The following RIT2 variants were observed in gnomAD, a reference collection of about 807,000 sequenced individuals.
RIT2 encodes the protein GTP-binding protein Rit2.
Under a neutral mutation model 23.7 loss-of-function variants are expected in RIT2, and 24 were observed. That is an observed-to-expected ratio of 1.01 (90% CI 0.73 to 1.43). The LOEUF is 1.43. Ranked by LOEUF, RIT2 falls within the 40% of genes most tolerant of loss-of-function variation. The probability of loss-of-function intolerance (pLI) is 0.00; values close to 1 mark genes in which losing one functional copy is unlikely to be tolerated. For synonymous variants in RIT2, 107 were observed against 91.1 expected (o/e 1.17, Z -0.99); for missense variants, 236 against 266.9 (o/e 0.88, Z 0.81).
intron 4 of RIT2, among the ~76,000 whole-genome samples, chr18:42,918,687 A>G (rs1234848242): frequency 6.6e-6 from 1 of 152,130 alleles, no homozygotes; most frequent in African/African-American, 2.4e-5. Context: ...AAATGTGTCT[A>G]CAAGGGAGAC....
At chr18:42,861,682 TG>T (rs2144050212) in intron 4 of RIT2, among the ~76,000 whole-genome samples, 1 of 152,358 alleles carries the variant, frequency 6.6e-6, no homozygotes, top group South Asian at 2.1e-4. Context: ...TATTTTGGGT[TG>T]GGGTCACCCA....
chr18:42,944,879 G>C (rs998929329), intron 3 of RIT2, among the ~76,000 whole-genome samples: 3 of 151,798 alleles, frequency 2.0e-5, no homozygotes, highest in Non-Finnish European at 2.9e-5. Flanking sequence ...CAATTTATAA[G>C]AGCCAATGTC....
intron 1 of RIT2, among the ~76,000 whole-genome samples, chr18:43,084,828 C>T (rs1913243845): frequency 6.6e-6 from 1 of 152,136 alleles, no homozygotes; most frequent in Non-Finnish European, 1.5e-5. Flanking sequence ...AGCAAACCAC[C>T]ATGGCACATG....
intron 2 of RIT2, among the ~76,000 whole-genome samples, chr18:43,008,682 T>A (rs1266706716): frequency 1.3e-5 from 2 of 151,508 alleles, no homozygotes; most frequent in Admixed American, 1.3e-4. Context: ...CAATACTAAA[T>A]CTCTGGGCAC....
At chr18:42,768,445 A>G (rs1321951724) in intron 4 of RIT2, among the ~76,000 whole-genome samples, 1 of 152,190 alleles carries the variant, frequency 6.6e-6, no homozygotes, top group East Asian at 1.9e-4. Context: ...TTGCATAACT[A>G]TGATGCCTGA....
At chr18:42,990,411 C>T (rs556849263) in intron 2 of RIT2, among the ~76,000 whole-genome samples, 6 of 152,286 alleles carry the variant, frequency 3.9e-5, no homozygotes, top group Admixed American at 3.3e-4. Context: ...TGACCAAATG[C>T]CTAGGCACCC....
At chr18:42,985,032 C>T (rs1404662458) in intron 2 of RIT2, among the ~76,000 whole-genome samples, 1 of 151,852 alleles carries the variant, frequency 6.6e-6, no homozygotes, top group Admixed American at 6.6e-5. Context: ...GTAGAAAATT[C>T]AAAGAAGCTA....
chr18:42,844,683 G>T (rs933168297), intron 4 of RIT2, among the ~76,000 whole-genome samples: 1 of 152,044 alleles, frequency 6.6e-6, no homozygotes, highest in Admixed American at 6.6e-5. Context: ...CGGGCAGTAT[G>T]TAGTTTTGGA....
rs560359177 is a variant in RIT2, at chr18:42,816,109, C to T, written c.427-72389G>A. 8.6e-5 allele frequency among the ~76,000 whole-genome samples: 13 copies of T among 151,670 alleles called. No homozygotes were observed. In the South Asian group the frequency reaches 2.1e-3, roughly 24 times the overall value. Reference sequence around the variant, plus strand: ...ACAATCCAGTCAGGACAATGGTGTGCCAGTAAATATTTAATAATCAGATCT... The same window carrying T: ...ACAATCCAGTCAGGACAATGGTGTGTCAGTAAATATTTAATAATCAGATCT... On this transcript the variant is annotated intron_variant, in intron 4 of 4. Coordinates refer to ENST00000326695, the MANE Select transcript of RIT2 (RefSeq NM_002930.4).
chr18:42,761,372 A>T (rs1447680682), intron 4 of RIT2, among the ~76,000 whole-genome samples: 2 of 152,150 alleles, frequency 1.3e-5, no homozygotes, highest in Non-Finnish European at 2.9e-5. Flanking sequence ...AGAAATCCCT[A>T]AGCATTTGCT....
chr18:43,089,735 C>A (rs928615482), intron 1 of RIT2, among the ~76,000 whole-genome samples: 61 of 151,916 alleles, frequency 4.0e-4, no homozygotes, highest in Non-Finnish European at 1.0e-4. Flanking sequence ...AATAAGGCTG[C>A]ATACTTACAA....
chr18:42,979,461 A>G (rs1264833548), intron 2 of RIT2, among the ~76,000 whole-genome samples: 3 of 152,168 alleles, frequency 2.0e-5, no homozygotes, highest in African/African-American at 4.8e-5. Flanking sequence ...AAGCTATTAT[A>G]CACCTCCAAG....
chr18:42,895,548 A>G (rs1325235853), intron 4 of RIT2, among the ~76,000 whole-genome samples: 1 of 152,200 alleles, frequency 6.6e-6, no homozygotes, highest in Non-Finnish European at 1.5e-5. Context: ...TTCAACATTA[A>G]AGTTACAGTA....
intron 3 of RIT2, among the ~76,000 whole-genome samples, chr18:42,950,765 G>T (rs1037340079): frequency 6.6e-6 from 1 of 151,652 alleles, no homozygotes; most frequent in Non-Finnish European, 1.5e-5. Context: ...AAAAAAAAAT[G>T]GTATAGAAGT....
At chr18:43,055,884 G>A (rs1176266371) in intron 1 of RIT2, among the ~76,000 whole-genome samples, 2 of 152,056 alleles carry the variant, frequency 1.3e-5, no homozygotes, top group African/African-American at 4.8e-5. Flanking sequence ...AATGAGCCAG[G>A]AAAGACAGGT....
At chr18:43,107,549 G>A (rs1913852438) in intron 1 of RIT2, among the ~76,000 whole-genome samples, 1 of 152,130 alleles carries the variant, frequency 6.6e-6, no homozygotes, top group African/African-American at 2.4e-5. Flanking sequence ...AAATCGGTAT[G>A]GTTTACTCAG....
intron 3 of RIT2, among the ~76,000 whole-genome samples, chr18:42,969,493 G>A (rs1910312765): frequency 1.3e-5 from 2 of 152,102 alleles, no homozygotes; most frequent in Admixed American, 1.3e-4. Context: ...TCATTTCACA[G>A]ATGAGTAAAC....
At chr18:42,901,230 A>T (rs529106416) in intron 4 of RIT2, among the ~76,000 whole-genome samples, 19 of 152,040 alleles carry the variant, frequency 1.2e-4, no homozygotes, top group Non-Finnish European at 2.5e-4. Flanking sequence ...AGAAAATGGG[A>T]AGGATGCATA....
intron 3 of RIT2, among the ~76,000 whole-genome samples, chr18:42,944,973 G>A (rs1046231932): frequency 5.4e-4 from 82 of 152,050 alleles, no homozygotes; most frequent in African/African-American, 1.8e-3. Context: ...GAGGGCAGTT[G>A]CAATGATTAA....
Sources: allele counts gnomAD v4.1 joint callset (sites outside exome capture counted in the v4.1 genomes callset), GRCh38; gene constraint gnomAD v4.1.1; transcripts MANE v1.5; gene names NCBI Gene and HGNC (gene_info 2026-07-23, HGNC 2026-07-21).